The following CRY1 variants were observed in gnomAD, a reference collection of about 807,000 sequenced individuals.
CRY1 encodes cryptochrome-1.
A neutral mutation model predicts 76.0 loss-of-function variants in CRY1; 45 were observed. The ratio of observed to expected loss-of-function variants is 0.59; its 90% CI spans 0.47 to 0.76. The LOEUF (loss-of-function observed/expected upper bound fraction) is 0.76. Ranked by LOEUF, CRY1 falls within the 30% of genes least tolerant of loss-of-function variation. The probability of loss-of-function intolerance (pLI) is 0.00; values close to 1 mark genes in which losing one functional copy is unlikely to be tolerated. For synonymous variants in CRY1, 248 were observed against 244.0 expected, an observed-to-expected ratio of 1.02 and a Z score of -0.15; for missense variants, 587 against 716.4, an observed-to-expected ratio of 0.82 and a Z score of 2.06.
intron 1 of CRY1, among the ~76,000 whole-genome samples, chr12:107,049,079 T>C (rs907903211): frequency 6.6e-6 from 1 of 152,218 alleles, no homozygotes; most frequent in Non-Finnish European, 1.5e-5. Context: ...GATTTCCCTA[T>C]GGACTTTAGT....
rs1566245681 is a variant in CRY1 at position 107,009,603 on chromosome 12, A to ATATATATATATATAT, written c.268-4356_268-4355insATATATATATATATA. Among the ~76,000 whole-genome samples the ATATATATATATATAT allele has an allele frequency of 9.8e-3, 76 of 7,754 alleles. 2 individuals carry two copies. Among genetic ancestry groups the ATATATATATATATAT allele is most frequent in the African/African-American group, 0.019 (67 of 3,488 alleles). 5.1% of individuals were successfully genotyped at this position (7,754 alleles called of 152,430 possible). The stretch of plus-strand genomic sequence containing the variant: ...ATATATATATATATATATATATATA[A>ATATATATATATATAT]AATCTCTATATCTCCAGGTTCACGG... On this transcript the variant is annotated intron_variant, in intron 2 of 12. Transcript: ENST00000008527.
At chr12:107,046,510 T>A (rs372355147) in intron 1 of CRY1, among the ~76,000 whole-genome samples, 25 of 151,962 alleles carry the variant, frequency 1.6e-4, no homozygotes, top group East Asian at 7.7e-4. Flanking sequence ...ACTAACAAAG[T>A]GACAGGAATA....
At chr12:107,070,845 C>A (rs1820209099) in intron 1 of CRY1, among the ~76,000 whole-genome samples, 1 of 148,978 alleles carries the variant, frequency 6.7e-6, no homozygotes, top group Admixed American at 6.8e-5. Context: ...GGACTACAGG[C>A]ACCTGCCACC....
intron 1 of CRY1, among the ~76,000 whole-genome samples, chr12:107,060,524 T>C (rs906794240): frequency 1.3e-5 from 2 of 152,232 alleles, no homozygotes; most frequent in Non-Finnish European, 2.9e-5. Flanking sequence ...TACTGTGTTA[T>C]AGCAGCACAC....
chr12:107,090,399 C>T (rs1029189921), intron 1 of CRY1, among the ~76,000 whole-genome samples: 2 of 152,140 alleles, frequency 1.3e-5, no homozygotes, highest in African/African-American at 2.4e-5. Context: ...CTTTACTTGG[C>T]TTCTAAGACA....
intron 8 of CRY1, 28 bp downstream of exon 8, chr12:106,997,887 A>C: frequency 6.2e-7 from 1 of 1,605,910 alleles, no homozygotes; most frequent in South Asian, 1.1e-5. Flanking sequence ...AACTATTCCA[A>C]ACTGAGTAGT....
intron 1 of CRY1, among the ~76,000 whole-genome samples, chr12:107,030,346 C>T (rs931679638): frequency 1.3e-5 from 2 of 152,102 alleles, no homozygotes; most frequent in African/African-American, 4.8e-5. Flanking sequence ...CCCAGGTAAA[C>T]AATGAAGCAG....
At chr12:107,019,226 T>A (rs1005217957) in intron 2 of CRY1, among the ~76,000 whole-genome samples, 17 of 152,004 alleles carry the variant, frequency 1.1e-4, no homozygotes, top group Admixed American at 2.6e-4. Context: ...CTTTTTTTTT[T>A]AAACATATGC....
At chr12:107,027,774 A>C (rs945749501) in intron 1 of CRY1, among the ~76,000 whole-genome samples, 1 of 152,170 alleles carries the variant, frequency 6.6e-6, no homozygotes, top group Non-Finnish European at 1.5e-5. Context: ...TGGACGGTTT[A>C]GTATACTCCG....
At chr12:107,067,573 A>C (rs186120362) in intron 1 of CRY1, among the ~76,000 whole-genome samples, 6 of 152,316 alleles carry the variant, frequency 3.9e-5, no homozygotes, top group African/African-American at 1.4e-4. Flanking sequence ...CAAAAAAAAA[A>C]AACTTCCTTA....
intron 1 of CRY1, among the ~76,000 whole-genome samples, chr12:107,063,880 A>C (rs1229351278): frequency 6.6e-6 from 1 of 152,076 alleles, no homozygotes; most frequent in African/African-American, 2.4e-5. Context: ...TTAAGGCATG[A>C]GCCACTGCGT....
chr12:107,028,469 T>C (rs981886860), intron 1 of CRY1, among the ~76,000 whole-genome samples: 4 of 152,144 alleles, frequency 2.6e-5, no homozygotes, highest in African/African-American at 9.7e-5. Flanking sequence ...AGTAGACCTA[T>C]ATCACTTTTT....
intron 1 of CRY1, among the ~76,000 whole-genome samples, chr12:107,061,232 A>G (rs1318176883): frequency 6.6e-6 from 1 of 152,116 alleles, no homozygotes; most frequent in Non-Finnish European, 1.5e-5. Flanking sequence ...GTTTTCTACC[A>G]CAATATTTTA....
intron 2 of CRY1, among the ~76,000 whole-genome samples, chr12:107,020,644 T>A (rs190711238): frequency 6.6e-6 from 1 of 152,094 alleles, no homozygotes; most frequent in East Asian, 1.9e-4. Flanking sequence ...TCCACCATGA[T>A]TGTAAGTTTC....
At chr12:107,069,632 GTATATATATAAAAAGTAT>G (rs1360683300) in intron 1 of CRY1, among the ~76,000 whole-genome samples, 1 of 124,614 alleles carries the variant, frequency 8.0e-6, no homozygotes, top group East Asian at 2.4e-4. Context: ...TATATATAAA[GTATATATATAAAAAGTAT>G]ATAAAGTATA....
chr12:106,995,488 A>G (rs952682722), intron 10 of CRY1, among the ~76,000 whole-genome samples: 2 of 152,206 alleles, frequency 1.3e-5, no homozygotes, highest in African/African-American at 4.8e-5. Flanking sequence ...ATTCACAAAC[A>G]GTTGTAAAGT....
chr12:107,032,509 G>GACACACACAC (rs71076712), intron 1 of CRY1, among the ~76,000 whole-genome samples: 5 of 150,896 alleles, frequency 3.3e-5, no homozygotes, highest in South Asian at 2.1e-4. Context: ...AACTGTTACA[G>GACACACACAC]ACACACACAC....
In CRY1 at chr12:106,999,966, G is replaced by C; in HGVS notation, c.801C>G (p.Phe267Leu). ...FGCLSCRLFY[F>L]KLTDLYKKVK... is the part of the protein sequence containing the mutation. ...CCTTTTTGTAGAGATCTGTTAGTTT[G>C]AAGTAAAACAGTCGACATGACAAAC... Residue 267 changes from phenylalanine (F) to leucine (L), a missense_variant, in exon 6 of 13, where the codon TTC becomes TTG. Physicochemically the swap from Phe to Leu is conservative, Grantham distance 22. Coordinates refer to ENST00000008527, the MANE Select transcript of CRY1 (RefSeq NM_004075.5). 1 of 1,610,762 alleles carries C rather than the reference G, an allele frequency of 6.2e-7. No homozygotes were observed. The highest frequency in any genetic ancestry group is 8.5e-7 in the Non-Finnish European group (1 of 1,179,318).
At chr12:107,011,563 C>T (rs1302038381) in intron 2 of CRY1, among the ~76,000 whole-genome samples, 1 of 152,072 alleles carries the variant, frequency 6.6e-6, no homozygotes, top group Non-Finnish European at 1.5e-5. Context: ...GAAGATCAAA[C>T]CAGATACAAT....
Sources: allele counts gnomAD v4.1 joint callset (sites outside exome capture counted in the v4.1 genomes callset), GRCh38; gene constraint gnomAD v4.1.1; transcripts MANE v1.5; gene names NCBI Gene and HGNC (gene_info 2026-07-23, HGNC 2026-07-21).